PCDHGA1: variants seen among roughly 807,000 people sequenced by gnomAD.
The protein encoded by PCDHGA1 is protocadherin gamma subfamily A, 1, also known as protocadherin gamma-A1.
A neutral mutation model predicts 58.0 loss-of-function variants in PCDHGA1; 32 were observed. The ratio of observed to expected loss-of-function variants is 0.55; its 90% CI spans 0.42 to 0.74. The LOEUF (loss-of-function observed/expected upper bound fraction) is 0.74. Ranked by LOEUF, PCDHGA1 falls within the 30% of genes least tolerant of loss-of-function variation. The pLI, the probability that PCDHGA1 is intolerant of heterozygous loss-of-function variation, is 0.00. For missense variants in PCDHGA1, 1,205 were observed against 1,182.3 expected (o/e 1.02, Z -0.28); for synonymous variants, 498 against 501.1 (o/e 0.99, Z 0.08).
chr5:141,472,290 C>T (rs2099275934), intron 1 of PCDHGA1, among the ~76,000 whole-genome samples: 2 of 152,096 alleles, frequency 1.3e-5, no homozygotes, highest in Admixed American at 6.6e-5. Flanking sequence ...ACCTGTAATC[C>T]CAGCACTTTG....
chr5:141,435,795 G>A (rs150143106), intron 1 of PCDHGA1, among the ~76,000 whole-genome samples: 16 of 152,032 alleles, frequency 1.1e-4, no homozygotes, highest in Admixed American at 2.0e-4. Flanking sequence ...GAAACATAAC[G>A]TCCCAATTAT....
At chr5:141,404,126 T>G in intron 1 of PCDHGA1, 1 of 1,613,316 alleles carries the variant, frequency 6.2e-7, no homozygotes, top group Non-Finnish European at 8.5e-7. Context: ...GAATCTATCT[T>G]TTACATTAGA....
At chr5:141,420,733 A>T (rs989644819) in intron 1 of PCDHGA1, among the ~76,000 whole-genome samples, 1 of 152,250 alleles carries the variant, frequency 6.6e-6, no homozygotes, top group African/African-American at 2.4e-5. Flanking sequence ...GTCGGTTAAA[A>T]TCAATTGGAA....
At chr5:141,376,032 GCCAGC>G in intron 1 of PCDHGA1, 1 of 1,613,116 alleles carries the variant, frequency 6.2e-7, no homozygotes, top group South Asian at 1.1e-5. Flanking sequence ...CAGGACCACG[GCCAGC>G]CCCCTCTCTC....
intron 1 of PCDHGA1, among the ~76,000 whole-genome samples, chr5:141,452,114 A>C (rs1443131264): frequency 1.3e-5 from 2 of 152,098 alleles, no homozygotes; most frequent in Admixed American, 1.3e-4. Flanking sequence ...TTCTCTTCTT[A>C]TTTATTCATA....
At chr5:141,403,178 T>G in intron 1 of PCDHGA1, 3 of 1,613,980 alleles carry the variant, frequency 1.9e-6, no homozygotes, top group Non-Finnish European at 2.5e-6. Context: ...GCAGCTTTTC[T>G]CTCTGAACCC....
chr5:141,451,205 C>G (rs1023049434), intron 1 of PCDHGA1, among the ~76,000 whole-genome samples: 2 of 152,142 alleles, frequency 1.3e-5, no homozygotes, highest in African/African-American at 4.8e-5. Flanking sequence ...TATCCCAAAA[C>G]TTAGTGGCTT....
At chr5:141,415,205 C>A (rs2095843771) in intron 1 of PCDHGA1, 2 of 1,614,040 alleles carry the variant, frequency 1.2e-6, no homozygotes, top group Non-Finnish European at 1.7e-6. Context: ...CAAGTCCTGG[C>A]GGACCTCGGC....
At chr5:141,458,319 T>C (rs2879229) in intron 1 of PCDHGA1, among the ~76,000 whole-genome samples, 84,591 of 151,864 alleles carry the variant, frequency 0.56, 26,265 homozygotes, top group African/African-American at 0.85. Flanking sequence ...CACAGACACA[T>C]GTGGAGTGGT....
chr5:141,483,472 T>C (rs1457039859), intron 1 of PCDHGA1, among the ~76,000 whole-genome samples: 2 of 152,076 alleles, frequency 1.3e-5, no homozygotes, highest in Non-Finnish European at 2.9e-5. Flanking sequence ...TGACATGATA[T>C]AGGAAGTGAG....
chr5:141,394,435 C>T, intron 1 of PCDHGA1: 1 of 1,614,246 alleles, frequency 6.2e-7, no homozygotes, highest in Non-Finnish European at 8.5e-7. Flanking sequence ...GGGGACCCGC[C>T]CCTCAGCAGC....
chr5:141,375,705 C>T, intron 1 of PCDHGA1: 7 of 1,614,280 alleles, frequency 4.3e-6, no homozygotes, highest in Non-Finnish European at 5.9e-6. Context: ...GGGGACCCGC[C>T]TCTTAGCAGC....
chr5:141,465,918 C>T lies in PCDHGA1; in HGVS notation c.2422-28889C>T, dbSNP rs34980831. On this transcript the variant is annotated intron_variant, in intron 1 of 3. Transcript: ENST00000517417. ...CGGGCAAATCACGAGGTCAGGATTT[C>T]GAGTCCATCCTGGCTAACATGGTGA... 2.0e-3 allele frequency among the ~76,000 whole-genome samples: 307 copies of T among 152,144 alleles called. 1 individual carries two copies. Among genetic ancestry groups the T allele is most frequent in the Middle Eastern group, 0.01 (3 of 294 alleles).
intron 1 of PCDHGA1, among the ~76,000 whole-genome samples, chr5:141,464,803 G>A (rs933573443): frequency 1.5e-4 from 23 of 152,092 alleles, no homozygotes; most frequent in African/African-American, 5.1e-4. Context: ...CAGTGATGCA[G>A]TCATAGCTCA....
chr5:141,455,255 C>T (rs1049752169), intron 1 of PCDHGA1, among the ~76,000 whole-genome samples: 16 of 152,146 alleles, frequency 1.1e-4, no homozygotes, highest in African/African-American at 3.9e-4. Flanking sequence ...AGTACAATCG[C>T]ATTTCTTCCC....
chr5:141,372,798 A>T (rs900906773), intron 1 of PCDHGA1: 2 of 1,597,288 alleles, frequency 1.3e-6, no homozygotes, highest in Non-Finnish European at 1.7e-6. Flanking sequence ...TAATTCAGGC[A>T]ATTTGCAAAA....
intron 1 of PCDHGA1, chr5:141,382,754 G>A: frequency 1.6e-6 from 1 of 636,380 alleles, no homozygotes; most frequent in East Asian, 2.7e-5. Context: ...ATTGCGATAA[G>A]CCCTCTTCCA....
chr5:141,380,676 T>TA (rs1776652796), intron 1 of PCDHGA1, among the ~76,000 whole-genome samples: 1 of 152,246 alleles, frequency 6.6e-6, no homozygotes, highest in Non-Finnish European at 1.5e-5. Flanking sequence ...ATAGGGTATG[T>TA]ATGCTTTGTG....
intron 2 of PCDHGA1, among the ~76,000 whole-genome samples, chr5:141,495,407 C>T: frequency 6.6e-6 from 1 of 152,218 alleles, no homozygotes; most frequent in East Asian, 1.9e-4. Flanking sequence ...AGGCCCCCTT[C>T]TCCGGCCCCT....
Sources: allele counts gnomAD v4.1 joint callset (sites outside exome capture counted in the v4.1 genomes callset), GRCh38; gene constraint gnomAD v4.1.1; transcripts MANE v1.5; gene names NCBI Gene and HGNC (gene_info 2026-07-23, HGNC 2026-07-21).